The following NAV2 variants were observed in gnomAD, a reference collection of about 807,000 sequenced individuals.
The protein encoded by NAV2 is helicase, APC down-regulated 1.
In NAV2, 54 loss-of-function variants were observed where a neutral mutation model predicts 223.2. The ratio of observed to expected loss-of-function variants is 0.24; its 90% CI spans 0.19 to 0.30. The LOEUF is 0.30. Among genes scored for constraint, NAV2 ranks in the 10% least tolerant of loss-of-function variants. The probability of loss-of-function intolerance (pLI) is 1.00; values close to 1 mark genes in which losing one functional copy is unlikely to be tolerated. For missense variants in NAV2, 2,806 were observed against 3,147.5 expected (o/e 0.89, Z 2.60); for synonymous variants, 1,279 against 1,239.3 (o/e 1.03, Z -0.67).
chr11:19,626,542 C>CT (rs2135456246), intron 1 of NAV2, among the ~76,000 whole-genome samples: 1 of 152,218 alleles, frequency 6.6e-6, no homozygotes, highest in Admixed American at 6.5e-5. Context: ...AATTTTAGAA[C>CT]TTTTTTTCCC....
chr11:19,406,148 C>CT (rs1849885782), intron 1 of NAV2, among the ~76,000 whole-genome samples: 1 of 152,194 alleles, frequency 6.6e-6, no homozygotes, highest in African/African-American at 2.4e-5. Context: ...CTTTTGTATT[C>CT]TCCCCCCAGG....
chr11:20,035,652 T>C (rs1162301684), intron 11 of NAV2, among the ~76,000 whole-genome samples: 1 of 152,148 alleles, frequency 6.6e-6, no homozygotes, highest in Non-Finnish European at 1.5e-5. Context: ...AAGGAACAAA[T>C]TGGTTTCCAT....
intron 11 of NAV2, among the ~76,000 whole-genome samples, chr11:19,999,134 A>G (rs1165696343): frequency 6.6e-6 from 1 of 152,244 alleles, no homozygotes; most frequent in Non-Finnish European, 1.5e-5. Context: ...CAATAACCAG[A>G]ACAGGGCTGT....
At chr11:19,783,243 C>T (rs969703804) in intron 1 of NAV2, among the ~76,000 whole-genome samples, 6 of 152,190 alleles carry the variant, frequency 3.9e-5, no homozygotes, top group Non-Finnish European at 1.5e-5. Flanking sequence ...ACTGATTTCT[C>T]GTTCCAACCT....
chr11:19,679,334 G>A (rs1251074763), intron 1 of NAV2, among the ~76,000 whole-genome samples: 2 of 149,864 alleles, frequency 1.3e-5, no homozygotes, highest in Admixed American at 1.4e-4. Context: ...TGGAGGCTGA[G>A]GCAGGAGAAT....
chr11:19,465,769 T>C (rs1852328557), intron 1 of NAV2, among the ~76,000 whole-genome samples: 2 of 152,246 alleles, frequency 1.3e-5, no homozygotes, highest in Non-Finnish European at 2.9e-5. Context: ...TTAATATCCT[T>C]TTTACAGTTG....
In NAV2 at chr11:19,933,391, G is replaced by T. The variant is rs1006143553; in HGVS notation, c.1147G>T (p.Ala383Ser). ...CTCGGTCAAGCCTCCTGGGCCTGAG[G>T]CCCCCAGGCCCACACCTGAAGCCAT... Reference protein sequence around the residue: ...MLSVKPPGPEAPRPTPEAMKP... With the variant: ...MLSVKPPGPESPRPTPEAMKP... Residue 383 changes from alanine to serine, a missense_variant, in exon 7 of 38, where the codon GCC becomes TCC. Physicochemically the swap from Ala to Ser is moderately conservative, Grantham distance 99 (BLOSUM62 1). Around this residue, in one of 4 missense-constraint regions of NAV2, gnomAD observed 1,167 missense variants for 1,180.5 expected, o/e 0.99. Transcript: ENST00000349880. This position sits in a 1 kb window ranked among gnomAD's most constrained non-coding sequence, Gnocchi z 4.3. The T allele has an allele frequency of 4.4e-6, 7 of 1,578,144 alleles. No homozygotes were observed. Among genetic ancestry groups the T allele is most frequent in the Non-Finnish European group, 6.0e-6 (7 of 1,162,200 alleles).
intron 1 of NAV2, chr11:19,714,303 A>G (rs2050104318): frequency 1.9e-6 from 1 of 538,462 alleles, no homozygotes; most frequent in East Asian, 4.7e-5. Flanking sequence ...CTTGGCCCCA[A>G]GAAGCCAGTA....
At chr11:20,086,542 A>G (rs1048566990) in intron 26 of NAV2, among the ~76,000 whole-genome samples, 1 of 151,954 alleles carries the variant, frequency 6.6e-6, no homozygotes, top group African/African-American at 2.4e-5. Flanking sequence ...GACACCTGAC[A>G]TAGAGGTTTT....
At chr11:20,053,042 C>T (rs1816081193) in intron 17 of NAV2, among the ~76,000 whole-genome samples, 1 of 151,738 alleles carries the variant, frequency 6.6e-6, no homozygotes, top group Non-Finnish European at 1.5e-5. Flanking sequence ...CATGGTAAAA[C>T]CCTGTCTCTA....
At chr11:19,832,650 T>A in intron 2 of NAV2, 49 bp downstream of exon 2, 1 of 1,469,062 alleles carries the variant, frequency 6.8e-7, no homozygotes, top group Non-Finnish European at 9.5e-7. Flanking sequence ...TGGAGCCATC[T>A]CAAAAGGCCG....
At chr11:19,827,949 C>G (rs747880745) in intron 1 of NAV2, among the ~76,000 whole-genome samples, 5 of 143,488 alleles carry the variant, frequency 3.5e-5, no homozygotes, top group Non-Finnish European at 6.1e-5. Context: ...AGCGGAATCC[C>G]GTCTCTACCA....
intron 12 of NAV2, among the ~76,000 whole-genome samples, chr11:20,041,518 T>C (rs2153577708): frequency 6.6e-6 from 1 of 152,280 alleles, no homozygotes; most frequent in Non-Finnish European, 1.5e-5. Context: ...GGGAAATAAG[T>C]ATAGGAACAT....
At chr11:20,110,785 C>T (rs1162274418) in intron 36 of NAV2, among the ~76,000 whole-genome samples, 1 of 152,298 alleles carries the variant, frequency 6.6e-6, no homozygotes, top group African/African-American at 2.4e-5. Context: ...TGAGTCCACA[C>T]CTACTCTAGG....
chr11:19,698,376 C>T (rs1165756476), intron 1 of NAV2, among the ~76,000 whole-genome samples: 1 of 152,206 alleles, frequency 6.6e-6, no homozygotes, highest in African/African-American at 2.4e-5. Flanking sequence ...ACTGCCATTA[C>T]TGAATTCTAG....
chr11:20,105,104 T>C (rs2061929785), intron 34 of NAV2: 1 of 154,840 alleles, frequency 6.5e-6, no homozygotes, highest in Admixed American at 6.5e-5. Context: ...TGTGAGCTCC[T>C]GGGAACCAGG....
intron 6 of NAV2, among the ~76,000 whole-genome samples, chr11:19,899,747 T>C (rs10833189): frequency 0.35 from 53,045 of 152,030 alleles, 9,449 homozygotes; most frequent in Middle Eastern, 0.41. Context: ...TCATTTGTAT[T>C]GATTTCCATT....
chr11:19,406,508 G>T (rs191834358), intron 1 of NAV2, among the ~76,000 whole-genome samples: 113 of 152,262 alleles, frequency 7.4e-4, no homozygotes, highest in African/African-American at 2.3e-3. Context: ...GGCCATGGCT[G>T]TCTCTCCTCC....
chr11:20,049,782 C>G (rs2057794514), intron 15 of NAV2, 54 bp from the exon 16 acceptor site: 2 of 1,558,072 alleles, frequency 1.3e-6, no homozygotes, highest in Admixed American at 1.7e-5. Flanking sequence ...AACACCTCTC[C>G]TTTCTTCCAA....
Sources: gnomAD v4.1 joint callset for allele counts (sites outside exome capture counted in the v4.1 genomes callset) on GRCh38, gnomAD v4.1.1 for gene constraint, gnomAD v4.1.1 regional missense constraint, Gnocchi (gnomAD v3.1) non-coding constraint, MANE v1.5 for transcripts, NCBI Gene and HGNC (gene_info 2026-07-23, HGNC 2026-07-21) for gene names.